The following AP2B1 variants were observed in gnomAD, a reference collection of about 807,000 sequenced individuals.
The protein encoded by AP2B1 is adaptor related protein complex 2 subunit beta 1.
A neutral mutation model predicts 102.0 loss-of-function variants in AP2B1; 23 were observed. The ratio of observed to expected loss-of-function variants is 0.23; its 90% CI spans 0.16 to 0.32. AP2B1 has a LOEUF of 0.32. AP2B1 is among the 10% of genes least tolerant of loss of function. The pLI is 1.00. For missense variants in AP2B1, 541 were observed against 1,157.4 expected, an observed-to-expected ratio of 0.47 and a Z score of 7.73; for synonymous variants, 381 against 421.2, an observed-to-expected ratio of 0.90 and a Z score of 1.17.
chr17:35,614,289 C>T (rs1291949585), intron 5 of AP2B1, among the ~76,000 whole-genome samples: 1 of 152,138 alleles, frequency 6.6e-6, no homozygotes, highest in Admixed American at 6.5e-5. Context: ...CCTCAAACTC[C>T]TGGGCTCAAA....
intron 20 of AP2B1, among the ~76,000 whole-genome samples, chr17:35,711,608 A>T (rs987145997): frequency 1.3e-5 from 2 of 152,108 alleles, no homozygotes; most frequent in African/African-American, 4.8e-5. Context: ...AGCTGGGACT[A>T]CAGGCGCCAG....
intron 13 of AP2B1, among the ~76,000 whole-genome samples, chr17:35,654,128 C>G (rs981151832): frequency 6.6e-6 from 1 of 151,906 alleles, no homozygotes; most frequent in Non-Finnish European, 1.5e-5. Context: ...GTAGCACAAC[C>G]TTGGCTCACT....
At chr17:35,654,970 A>C (rs1360212455) in intron 13 of AP2B1, among the ~76,000 whole-genome samples, 3 of 152,162 alleles carry the variant, frequency 2.0e-5, no homozygotes, top group African/African-American at 7.2e-5. Context: ...TTTGGTAAAC[A>C]AGCTGGGTAA....
intron 18 of AP2B1, among the ~76,000 whole-genome samples, chr17:35,695,883 G>T (rs1288760644): frequency 6.6e-6 from 1 of 152,148 alleles, no homozygotes; most frequent in African/African-American, 2.4e-5. Flanking sequence ...TATGTTAATA[G>T]TGGGGGTGGG....
intron 13 of AP2B1, among the ~76,000 whole-genome samples, chr17:35,653,315 T>C (rs1362130050): frequency 6.6e-6 from 1 of 152,220 alleles, no homozygotes; most frequent in Non-Finnish European, 1.5e-5. Context: ...TAGTAATTAA[T>C]GGAGCCAACA....
At chr17:35,710,865 C>A (rs1429712416) in intron 20 of AP2B1, among the ~76,000 whole-genome samples, 3 of 152,058 alleles carry the variant, frequency 2.0e-5, no homozygotes, top group African/African-American at 7.2e-5. Context: ...GAGTCCAGTT[C>A]AAGACCAGCC....
chr17:35,628,878 A>G (rs941129145), intron 9 of AP2B1, among the ~76,000 whole-genome samples: 1 of 152,038 alleles, frequency 6.6e-6, no homozygotes, highest in Non-Finnish European at 1.5e-5. Flanking sequence ...CGACTGTGTA[A>G]ATATTTAGGG....
chr17:35,595,953 A>G (rs1462250445), intron 2 of AP2B1, among the ~76,000 whole-genome samples: 1 of 150,758 alleles, frequency 6.6e-6, no homozygotes, highest in African/African-American at 2.5e-5. Flanking sequence ...TAATTCTTCA[A>G]ACCTACTCTT....
In AP2B1 at chr17:35,638,275, A is replaced by G. The variant is rs561457587; in HGVS notation, c.1272-1320A>G. ...CAATCAAGAGCCTGGTTTAATCAGT[A>G]AAAGTAGGCAGATACTTAGTTAAGT... On this transcript the variant is annotated intron_variant, in intron 10 of 21. Coordinates refer to ENST00000610402, the MANE Select transcript of AP2B1 (RefSeq NM_001030006.2). Among the ~76,000 whole-genome samples, 78 of 152,380 alleles carry G rather than the reference A, an allele frequency of 5.1e-4. 2 individuals are homozygous for G. In the Middle Eastern group the frequency reaches 0.01, roughly 20 times the overall value.
At chr17:35,669,462 T>C (rs113938833) in intron 14 of AP2B1, among the ~76,000 whole-genome samples, 1,530 of 152,268 alleles carry the variant, frequency 0.01, 20 homozygotes, top group African/African-American at 0.035. Context: ...TTTTTATTTA[T>C]TTAAGTATGT....
chr17:35,622,096 T>C (rs1268441136), intron 5 of AP2B1, among the ~76,000 whole-genome samples: 1 of 152,228 alleles, frequency 6.6e-6, no homozygotes, highest in Non-Finnish European at 1.5e-5. Context: ...TATTTCTCTC[T>C]TTATGGCTTT....
At chr17:35,608,446 C>G (rs1482891847) in intron 5 of AP2B1, 59 bp downstream of exon 5, 62 of 1,591,562 alleles carry the variant, frequency 3.9e-5, no homozygotes, top group Non-Finnish European at 5.0e-5. Flanking sequence ...CTTGTTAAAG[C>G]GTGTTTAATA....
At chr17:35,690,541 G>C (rs1268208874) in intron 18 of AP2B1, among the ~76,000 whole-genome samples, 1 of 152,132 alleles carries the variant, frequency 6.6e-6, no homozygotes, top group African/African-American at 2.4e-5. Context: ...TTTGTGCAGG[G>C]CCTAGAGACC....
chr17:35,612,341 T>G (rs1384527399), intron 5 of AP2B1, among the ~76,000 whole-genome samples: 1 of 152,230 alleles, frequency 6.6e-6, no homozygotes, highest in Non-Finnish European at 1.5e-5. Context: ...TGTCCTGGCC[T>G]TGTTACACAT....
chr17:35,605,865 A>G, intron 4 of AP2B1, 25 bp downstream of exon 4: 1 of 1,601,622 alleles, frequency 6.2e-7, no homozygotes, highest in Non-Finnish European at 8.5e-7. Flanking sequence ...GGCCTCAATA[A>G]CAGAGTTTGA....
intron 9 of AP2B1, among the ~76,000 whole-genome samples, chr17:35,629,055 T>C (rs2074393509): frequency 6.6e-6 from 1 of 152,148 alleles, no homozygotes; most frequent in African/African-American, 2.4e-5. Flanking sequence ...CTCAAGCGAC[T>C]CTTATGCCTC....
At chr17:35,679,703 A>G (rs375690515) in intron 17 of AP2B1, among the ~76,000 whole-genome samples, 27 of 152,248 alleles carry the variant, frequency 1.8e-4, no homozygotes, top group African/African-American at 6.5e-4. Context: ...TGCTGCTGCC[A>G]TGTTTCCCAA....
At chr17:35,699,488 A>G (rs772571399) in intron 18 of AP2B1, among the ~76,000 whole-genome samples, 5 of 152,194 alleles carry the variant, frequency 3.3e-5, no homozygotes, top group African/African-American at 7.2e-5. Flanking sequence ...CTCAGCTATC[A>G]TGTAATACCC....
chr17:35,709,163 TC>T (rs1166751961), intron 18 of AP2B1, 60 bp from the exon 19 acceptor site: 14 of 1,442,966 alleles, frequency 9.7e-6, no homozygotes, highest in Non-Finnish European at 1.4e-5. Flanking sequence ...ACAGCGCTGT[TC>T]TTTTCCTCCT....
Sources: gnomAD v4.1 joint callset for allele counts (sites outside exome capture counted in the v4.1 genomes callset) on GRCh38, gnomAD v4.1.1 for gene constraint, MANE v1.5 for transcripts, NCBI Gene and HGNC (gene_info 2026-07-23, HGNC 2026-07-21) for gene names.